Variants in RSRC1 observed in about 807,000 individuals in gnomAD.
The protein encoded by RSRC1 is arginine and serine rich coiled-coil 1.
Under a neutral mutation model 49.1 loss-of-function variants are expected in RSRC1, and 39 were observed. That is an observed-to-expected ratio of 0.79 (90% CI 0.61 to 1.04). The LOEUF is 1.04. Among genes scored for constraint, RSRC1 ranks in the 50% least tolerant of loss-of-function variants. The pLI, the probability that RSRC1 is intolerant of heterozygous loss-of-function variation, is 0.00. For synonymous variants in RSRC1, 143 were observed against 130.8 expected (o/e 1.09, Z -0.63); for missense variants, 388 against 402.4 (o/e 0.96, Z 0.31).
chr3:158,343,250 TA>T (rs1222785757), intron 5 of RSRC1, among the ~76,000 whole-genome samples: 2 of 152,156 alleles, frequency 1.3e-5, no homozygotes, highest in Admixed American at 6.6e-5. Context: ...ATTACAGATG[TA>T]AAGCTGTTGT....
At chr3:158,527,826 C>T (rs1354368924) in intron 7 of RSRC1, among the ~76,000 whole-genome samples, 2 of 151,816 alleles carry the variant, frequency 1.3e-5, no homozygotes, top group Non-Finnish European at 2.9e-5. Context: ...ATTAATATTC[C>T]TCTTTTCCCT....
chr3:158,486,962 C>G (rs981786112), intron 7 of RSRC1, among the ~76,000 whole-genome samples: 1 of 152,286 alleles, frequency 6.6e-6, no homozygotes, highest in Non-Finnish European at 1.5e-5. Flanking sequence ...CAGCATGTAA[C>G]TATACCAGTT....
Position 158,460,979 on chromosome 3 carries a change from G to T in RSRC1, c.628G>T (p.Glu210Ter). 6.3e-7 allele frequency: 1 copy of T among 1,598,958 alleles called. No individual in the cohort carries two copies. Among genetic ancestry groups the T allele is most frequent in the Non-Finnish European group, 8.5e-7 (1 of 1,170,894 alleles). The change falls in exon 7 of 10, where the codon GAA (glutamate) becomes TAA (stop). Residue 210 changes from glutamate to a stop codon, truncating the protein, a stop_gained. Coordinates refer to ENST00000611884, the MANE Select transcript of RSRC1 (RefSeq NM_001271838.2). LOFTEE classifies it high-confidence loss of function. ...ALKAKERNEEEAKRRKEEDQA... is the reference protein window; with the variant it reads ...ALKAKERNEE ...GAAAGCCAAAGAAAGAAATGAGGAA[G>T]AAGCAAAGAGAAGAAAGGAGGAAGG...
At chr3:158,407,920 A>G (rs1033199965) in intron 6 of RSRC1, among the ~76,000 whole-genome samples, 2 of 152,200 alleles carry the variant, frequency 1.3e-5, no homozygotes, top group Admixed American at 6.6e-5. Context: ...AAATGCAAGG[A>G]TTAATGAAAA....
At chr3:158,119,273 T>G (rs545549670) in intron 1 of RSRC1, among the ~76,000 whole-genome samples, 2 of 152,206 alleles carry the variant, frequency 1.3e-5, no homozygotes, top group African/African-American at 2.4e-5. Context: ...TGCTTTTCTC[T>G]TGTTGGAATT....
At chr3:158,500,089 T>C (rs1258706153) in intron 7 of RSRC1, among the ~76,000 whole-genome samples, 5 of 152,222 alleles carry the variant, frequency 3.3e-5, no homozygotes, top group Admixed American at 3.3e-4. Flanking sequence ...TGCTGGATTT[T>C]GTTGAATGCT....
intron 3 of RSRC1, among the ~76,000 whole-genome samples, chr3:158,145,461 T>C (rs1332229495): frequency 6.6e-6 from 1 of 152,214 alleles, no homozygotes; most frequent in Non-Finnish European, 1.5e-5. Flanking sequence ...GTATTATTTC[T>C]GAGGGCTCTG....
At chr3:158,413,419 A>G (rs1265120338) in intron 6 of RSRC1, among the ~76,000 whole-genome samples, 2 of 152,228 alleles carry the variant, frequency 1.3e-5, no homozygotes, top group African/African-American at 4.8e-5. Flanking sequence ...CATTCAGGAC[A>G]TAGGCATGGG....
chr3:158,211,826 A>T (rs1721696107), intron 4 of RSRC1, among the ~76,000 whole-genome samples: 1 of 138,292 alleles, frequency 7.2e-6, no homozygotes, highest in Admixed American at 7.4e-5. Context: ...AATGGTCATC[A>T]TTTTATTTTT....
intron 5 of RSRC1, among the ~76,000 whole-genome samples, chr3:158,332,888 T>A (rs527931706): frequency 1.3e-5 from 2 of 152,066 alleles, no homozygotes; most frequent in Non-Finnish European, 2.9e-5. Context: ...ATTTGAAAAA[T>A]TGACTGTTAT....
intron 4 of RSRC1, among the ~76,000 whole-genome samples, chr3:158,274,966 A>AC (rs1225422618): frequency 6.6e-6 from 1 of 151,890 alleles, no homozygotes; most frequent in Non-Finnish European, 1.5e-5. Flanking sequence ...ACTACTCCCC[A>AC]CCCCCCAGCA....
At chr3:158,188,482 C>T (rs1720050717) in intron 3 of RSRC1, among the ~76,000 whole-genome samples, 1 of 151,944 alleles carries the variant, frequency 6.6e-6, no homozygotes, top group African/African-American at 2.4e-5. Flanking sequence ...TTTACATTCC[C>T]TCTTCCTGCT....
intron 4 of RSRC1, among the ~76,000 whole-genome samples, chr3:158,289,921 T>TCCATCCATCCA (rs1559978817): frequency 8.4e-6 from 1 of 119,486 alleles, no homozygotes; most frequent in African/African-American, 3.9e-5. Flanking sequence ...CTTTCTATCT[T>TCCATCCATCCA]TCTATCCATC....
intron 6 of RSRC1, among the ~76,000 whole-genome samples, chr3:158,376,619 C>T (rs1732390865): frequency 6.6e-6 from 1 of 152,166 alleles, no homozygotes; most frequent in Admixed American, 6.5e-5. Context: ...GCAGTAACTA[C>T]AGTAGTCATA....
chr3:158,289,924 TATCCATCCATCCATCC>T (rs138336070), intron 4 of RSRC1, among the ~76,000 whole-genome samples: 473 of 149,900 alleles, frequency 3.2e-3, no homozygotes, highest in African/African-American at 0.01. Context: ...TCTATCTTTC[TATCCATCCATCCATCC>T]ATCCATCCAT....
intron 3 of RSRC1, among the ~76,000 whole-genome samples, chr3:158,202,562 T>TTATATA (rs56789942): frequency 1.2e-4 from 11 of 92,002 alleles, no homozygotes; most frequent in Admixed American, 4.4e-4. Context: ...GTCTGGTAGA[T>TTATATA]TATATATATA....
intron 6 of RSRC1, among the ~76,000 whole-genome samples, chr3:158,408,121 A>G (rs1734247970): frequency 6.6e-6 from 1 of 152,182 alleles, no homozygotes; most frequent in South Asian, 2.1e-4. Flanking sequence ...AGCTTTTTCA[A>G]AATAGGCATT....
chr3:158,473,433 T>C (rs1452934393), intron 7 of RSRC1, among the ~76,000 whole-genome samples: 1 of 152,080 alleles, frequency 6.6e-6, no homozygotes, highest in African/African-American at 2.4e-5. Context: ...AAACACTGCA[T>C]GTTCTTACTC....
chr3:158,287,479 T>A (rs1380250673), intron 4 of RSRC1, among the ~76,000 whole-genome samples: 1 of 152,178 alleles, frequency 6.6e-6, no homozygotes, highest in African/African-American at 2.4e-5. Flanking sequence ...CATAAAATCA[T>A]CAATGATTTT....
Sources: allele counts gnomAD v4.1 joint callset (sites outside exome capture counted in the v4.1 genomes callset), GRCh38; gene constraint gnomAD v4.1.1; transcripts MANE v1.5; gene names NCBI Gene and HGNC (gene_info 2026-07-23, HGNC 2026-07-21).